Variants in PCTP observed in about 807,000 individuals in gnomAD.
The protein encoded by PCTP is START domain-containing protein 2.
Under a neutral mutation model 31.0 loss-of-function variants are expected in PCTP, and 27 were observed. The observed-to-expected ratio is 0.87, with a 90% CI of 0.64 to 1.20. PCTP has a LOEUF of 1.20. Among genes scored for constraint, PCTP ranks in the 50% most tolerant of loss-of-function variants. PCTP has a pLI of 0.00. For missense variants in PCTP, 287 were observed against 268.2 expected, an observed-to-expected ratio of 1.07 and a Z score of -0.49; for synonymous variants, 108 against 101.2, an observed-to-expected ratio of 1.07 and a Z score of -0.40.
chr17:55,783,454 A>G (rs1325856927), intron 2 of PCTP, among the ~76,000 whole-genome samples: 1 of 152,140 alleles, frequency 6.6e-6, no homozygotes, highest in Non-Finnish European at 1.5e-5. Context: ...CATTTTCTCT[A>G]ATCTATCTTA....
chr17:55,817,045 A>C (rs1912942322), intron 3 of PCTP, among the ~76,000 whole-genome samples: 1 of 152,262 alleles, frequency 6.6e-6, no homozygotes. Context: ...CTTACAGATC[A>C]CAGTATGGTC....
chr17:55,794,871 C>G (rs769876889), intron 3 of PCTP, among the ~76,000 whole-genome samples: 65 of 151,976 alleles, frequency 4.3e-4, no homozygotes, highest in Non-Finnish European at 1.3e-4. Context: ...TAAACACTCT[C>G]ATTATTAATC....
At chr17:55,752,571 C>T (rs1292674697) in intron 1 of PCTP, among the ~76,000 whole-genome samples, 1 of 152,170 alleles carries the variant, frequency 6.6e-6, no homozygotes, top group Non-Finnish European at 1.5e-5. Flanking sequence ...TATATATTTG[C>T]TTTGGATGCA....
chr17:55,751,153 G>A lies in PCTP; in HGVS notation c.50G>A (p.Cys17Tyr). The A allele has an allele frequency of 3.2e-6, 5 of 1,548,100 alleles. No individual in the cohort carries two copies. Among genetic ancestry groups the A allele is most frequent in the African/African-American group, 1.4e-5 (1 of 73,124 alleles). The change falls in exon 1 of 6, where the codon TGC becomes TAC. Residue 17 changes from cysteine to tyrosine, a missense_variant. Coordinates refer to ENST00000268896, the MANE Select transcript of PCTP (RefSeq NM_021213.4). ...SFSEEQFWEACAELQQPALAG... is the reference protein window; with the variant it reads ...SFSEEQFWEAYAELQQPALAG... ...TCGGAGGAGCAGTTCTGGGAGGCCT[G>A]CGCCGAGCTCCAGCAGCCCGCTCTG...
intron 5 of PCTP, among the ~76,000 whole-genome samples, chr17:55,839,261 G>A (rs909238974): frequency 2.0e-5 from 3 of 152,146 alleles, no homozygotes; most frequent in Non-Finnish European, 2.9e-5. Context: ...GATGAGGTAT[G>A]CAAAGTCTCT....
intron 3 of PCTP, among the ~76,000 whole-genome samples, chr17:55,813,198 T>G (rs967953856): frequency 7.2e-5 from 11 of 152,258 alleles, no homozygotes; most frequent in Non-Finnish European, 1.6e-4. Context: ...TTTGTTACAC[T>G]GTTTTCCTTT....
chr17:55,835,289 A>G (rs555190505), intron 5 of PCTP, among the ~76,000 whole-genome samples: 1 of 152,330 alleles, frequency 6.6e-6, no homozygotes, highest in African/African-American at 2.4e-5. Context: ...CAGCAAACAC[A>G]GTATTCTTTA....
At position 55,811,213 on chromosome 17, in the gene PCTP, C is replaced by A. The variant is rs1912740232; in HGVS notation, c.318-11548C>A. On this transcript the variant is annotated intron_variant, in intron 3 of 3. Coordinates refer to the PCTP transcript ENST00000572536. ...TCCTTTGTTACATACAAAGTCTTTCCTCCAAATAGAATATAAACCAGTTAT... is the reference window on the plus strand; with the variant it reads ...TCCTTTGTTACATACAAAGTCTTTCATCCAAATAGAATATAAACCAGTTAT... Among the ~76,000 whole-genome samples the A allele has an allele frequency of 4.6e-5, 7 of 152,236 alleles. No homozygotes were observed. The South Asian group carries it at 1.5e-3, about 32-fold the overall frequency.
intron 3 of PCTP, among the ~76,000 whole-genome samples, chr17:55,790,161 A>G (rs1024033606): frequency 6.6e-6 from 1 of 152,214 alleles, no homozygotes; most frequent in Non-Finnish European, 1.5e-5. Flanking sequence ...TCTCAAAATA[A>G]TAAGAGCTAT....
chr17:55,819,358 C>A (rs559603826), intron 3 of PCTP, among the ~76,000 whole-genome samples: 71 of 152,032 alleles, frequency 4.7e-4, no homozygotes, highest in Non-Finnish European at 9.7e-4. Flanking sequence ...AAGGAAAAAG[C>A]AAAACTATCT....
chr17:55,852,632 C>T, the PCTP span, among the ~76,000 whole-genome samples: 2 of 152,128 alleles, frequency 1.3e-5, no homozygotes, highest in African/African-American at 2.4e-5. Flanking sequence ...TTTATGTTTT[C>T]TTCTACCCAG....
intron 3 of PCTP, among the ~76,000 whole-genome samples, chr17:55,798,874 A>G (rs7212207): frequency 0.027 from 4,140 of 152,092 alleles, 188 homozygotes; most frequent in African/African-American, 0.095. Context: ...AATGTTATAT[A>G]AGGTTTACAA....
chr17:55,781,065 CAAAA>C (rs1017764027), downstream of PCTP, among the ~76,000 whole-genome samples: 72 of 151,820 alleles, frequency 4.7e-4, no homozygotes, highest in African/African-American at 1.7e-3. Flanking sequence ...ATGAATAGCT[CAAAA>C]AGAGTGTCCC....
rs1909696320 is a variant in PCTP at position 55,751,334 on chromosome 17, G to A, written c.141+90G>A. ...GAGTGCGGGGCGGCAGTCGCGGAAG[G>A]GACAGGGGCGCGTCTTCTCCGGCTC... On this transcript the variant is annotated intron_variant, in intron 1 of 5. Coordinates refer to ENST00000268896, the MANE Select transcript of PCTP (RefSeq NM_021213.4). The A allele has an allele frequency of 2.0e-6, 3 of 1,526,946 alleles. No individual in the cohort carries two copies. In the South Asian group the frequency reaches 3.6e-5, roughly 18 times the overall value. The allele number at this position is 1,526,946 out of a possible 1,614,324, so 94.6% of individuals were successfully genotyped here. A position where few individuals can be genotyped will look rare whatever the true frequency, so the allele number is the denominator to read the frequency against.
intron 3 of PCTP, among the ~76,000 whole-genome samples, chr17:55,815,293 A>G (rs1237548261): frequency 1.3e-5 from 2 of 152,254 alleles, no homozygotes; most frequent in African/African-American, 2.4e-5. Flanking sequence ...AATCCAAAAA[A>G]TGATAGTAGA....
At chr17:55,753,674 C>T (rs1231690968) in intron 1 of PCTP, among the ~76,000 whole-genome samples, 1 of 152,216 alleles carries the variant, frequency 6.6e-6, no homozygotes, top group Non-Finnish European at 1.5e-5. Flanking sequence ...TCTCAACTCA[C>T]ATTTCCATCA....
chr17:55,773,850 A>G lies in PCTP; in HGVS notation c.466A>G (p.Lys156Glu). The G allele has an allele frequency of 3.1e-6, 5 of 1,612,718 alleles. No homozygotes were observed. Among genetic ancestry groups the G allele is most frequent in the Non-Finnish European group, 4.2e-6 (5 of 1,179,290 alleles). ...RSGVIRVKQY[K>E]QSLAIESDGK... ...TGGGGTGATCCGGGTGAAGCAATAC[A>G]AGCAGAGCCTGGCGATCGAGAGTGA... Residue 156 changes from lysine (K) to glutamate (E), a missense_variant, in exon 4 of 6, where the codon AAG (lysine) becomes GAG (glutamate). Lys to Glu is a moderately conservative substitution (Grantham distance 56). Coordinates refer to ENST00000268896, the MANE Select transcript of PCTP (RefSeq NM_021213.4).
intron 3 of PCTP, among the ~76,000 whole-genome samples, chr17:55,789,089 T>G (rs1911857761): frequency 6.6e-6 from 1 of 152,202 alleles, no homozygotes; most frequent in South Asian, 2.1e-4. Flanking sequence ...ATATTCACAC[T>G]TTGTTGTGAA....
At position 55,751,279 on chromosome 17, in the gene PCTP, A is replaced by G. The variant is rs758988328; in HGVS notation, c.141+35A>G. 1.0e-5 allele frequency: 16 copies of G among 1,525,600 alleles called. No individual in the cohort carries two copies. In the South Asian group the frequency reaches 1.8e-4, roughly 18 times the overall value. 94.5% of individuals were successfully genotyped at this position (1,525,600 alleles called of 1,614,324 possible). A position where few individuals can be genotyped will look rare whatever the true frequency, so the allele number is the denominator to read the frequency against. ...AACCCGCTGGAGGACCGCGGGGCCTAGAATGCGCCGGGGTCGACCTCCCCG... is the reference window on the plus strand; with the variant it reads ...AACCCGCTGGAGGACCGCGGGGCCTGGAATGCGCCGGGGTCGACCTCCCCG... On this transcript the variant is annotated intron_variant, in intron 1 of 5. Transcript: ENST00000268896.
Sources: allele counts gnomAD v4.1 joint callset (sites outside exome capture counted in the v4.1 genomes callset), GRCh38; gene constraint gnomAD v4.1.1; transcripts MANE v1.5; gene names NCBI Gene and HGNC (gene_info 2026-07-23, HGNC 2026-07-21).